Variants in ABCC1 observed in about 807,000 individuals in gnomAD.
The protein encoded by ABCC1 is ATP binding cassette subfamily C member 1 (ABCC1 blood group), also known as multidrug resistance-associated protein 1.
ABCC1 carries 83 observed loss-of-function variants against 172.9 expected under a neutral mutation model. The ratio of observed to expected loss-of-function variants is 0.48; its 90% CI spans 0.40 to 0.58. The LOEUF (loss-of-function observed/expected upper bound fraction) is 0.58, where lower values mean the gene tolerates loss of function less well. Ranked by LOEUF, ABCC1 falls within the 20% of genes least tolerant of loss-of-function variation. The pLI, the probability that ABCC1 is intolerant of heterozygous loss-of-function variation, is 0.00. For synonymous variants in ABCC1, 937 were observed against 825.2 expected (o/e 1.14, Z -2.32); for missense variants, 1,817 against 2,002.7 (o/e 0.91, Z 1.77).
chr16:16,034,199 TG>T (rs2151836176), intron 6 of ABCC1, among the ~76,000 whole-genome samples: 1 of 151,882 alleles, frequency 6.6e-6, no homozygotes, highest in African/African-American at 2.4e-5. Flanking sequence ...AGCAGATTTT[TG>T]TACTTTCTGT....
At chr16:16,052,482 C>T (rs982473888) in intron 10 of ABCC1, among the ~76,000 whole-genome samples, 2 of 151,962 alleles carry the variant, frequency 1.3e-5, no homozygotes, top group African/African-American at 4.8e-5. Context: ...ACTCATGTGG[C>T]CCCAAGGGCT....
intron 1 of ABCC1, among the ~76,000 whole-genome samples, chr16:15,997,805 C>CTTTTTTTTT (rs34346901): frequency 8.6e-6 from 1 of 116,822 alleles, no homozygotes; most frequent in Non-Finnish European, 1.8e-5. Context: ...GCCTCGATAC[C>CTTTTTTTTT]TTTTTTTTTT....
upstream of ABCC1, among the ~76,000 whole-genome samples, chr16:15,949,375 C>A (rs1367219524): frequency 6.6e-6 from 1 of 151,800 alleles, no homozygotes; most frequent in African/African-American, 2.4e-5. Flanking sequence ...TTCCGGAAGG[C>A]GAGCCAACGC....
In ABCC1 at chr16:16,079,351, G is replaced by C; in HGVS notation, c.1989-1G>C. On this transcript the variant is annotated splice_acceptor_variant, in intron 15 of 30. Coordinates refer to ENST00000399410, the MANE Select transcript of ABCC1 (RefSeq NM_004996.4). LOFTEE classifies it high-confidence loss of function. ...GAGCCAGGTGTGTTGTGTCGTTTCA[G>C]CATCACCTTCTCCATCCCCGAAGGT... The C allele has an allele frequency of 6.2e-7, 1 of 1,613,936 alleles. No individual in the cohort carries two copies. The highest frequency in any genetic ancestry group is 1.1e-5 in the South Asian group (1 of 91,070).
chr16:16,111,538 C>G lies in ABCC1; in HGVS notation c.3035C>G (p.Thr1012Arg), dbSNP rs765246385. 6.2e-7 allele frequency: 1 copy of G among 1,613,928 alleles called. No individual in the cohort carries two copies. Among genetic ancestry groups the G allele is most frequent in the Non-Finnish European group, 8.5e-7 (1 of 1,180,042 alleles). ...ATCGTCAACGGGACTCAGGAGCACACGAAAGTCCGGCTGAGCGTCTATGGA... is the reference window on the plus strand; with the variant it reads ...ATCGTCAACGGGACTCAGGAGCACAGGAAAGTCCGGCTGAGCGTCTATGGA... ...DPIVNGTQEH[T>R]KVRLSVYGAL... is the part of the protein sequence containing the mutation. Residue 1012 changes from threonine to arginine, a missense_variant, in exon 22 of 31, where the codon ACG becomes AGG. Thr to Arg is a moderately conservative substitution (Grantham distance 71). Transcript: ENST00000399410.
chr16:15,977,611 C>G (rs1387639280), intron 1 of ABCC1, among the ~76,000 whole-genome samples: 2 of 152,050 alleles, frequency 1.3e-5, no homozygotes, highest in African/African-American at 2.4e-5. Context: ...TCCATGTTGG[C>G]AAATCTTAGC....
At chr16:16,003,944 T>G (rs1455104231) in intron 1 of ABCC1, among the ~76,000 whole-genome samples, 21 of 134,784 alleles carry the variant, frequency 1.6e-4, no homozygotes, top group Admixed American at 2.9e-4. Context: ...ATGAATTGGT[T>G]GGGGGGGGTG....
intron 5 of ABCC1, among the ~76,000 whole-genome samples, chr16:16,020,034 G>A (rs934739989): frequency 5.7e-4 from 87 of 152,314 alleles, no homozygotes; most frequent in African/African-American, 1.8e-3. Flanking sequence ...CAATTCTCCT[G>A]CCTCAGCCTC....
intron 1 of ABCC1, among the ~76,000 whole-genome samples, chr16:15,953,911 C>T (rs547150731): frequency 1.3e-5 from 2 of 152,090 alleles, no homozygotes; most frequent in East Asian, 3.9e-4. Flanking sequence ...CAGCAGTGTA[C>T]GACGAGCCAA....
Position 15,958,174 on chromosome 16 carries a change from C to T in ABCC1, c.48+8375C>T, listed in dbSNP as rs778071618. On this transcript the variant is annotated intron_variant, in intron 1 of 30. Coordinates refer to ENST00000399410, the MANE Select transcript of ABCC1 (RefSeq NM_004996.4). ...AGGCTGGAGTGCAGTAGTGGAATCT[C>T]GGCTCACTGCAACCTCTGCCTCCCG... 3.3e-5 allele frequency among the ~76,000 whole-genome samples: 5 copies of T among 152,080 alleles called. No individual in the cohort carries two copies. In the East Asian group the frequency reaches 7.8e-4, roughly 24 times the overall value.
chr16:16,098,508 A>G (rs545271759), intron 19 of ABCC1, among the ~76,000 whole-genome samples: 2 of 152,318 alleles, frequency 1.3e-5, no homozygotes, highest in African/African-American at 2.4e-5. Context: ...AATCCCAGCT[A>G]TTTGGGAGGC....
chr16:16,136,315 T>C (rs2045915954), intron 28 of ABCC1, among the ~76,000 whole-genome samples, 163 bp from the exon 29 acceptor site: 1 of 152,122 alleles, frequency 6.6e-6, no homozygotes, highest in Admixed American at 6.6e-5. Flanking sequence ...TGAACCACCG[T>C]ACCTGGCCTT....
rs375205571 is a variant in ABCC1, at chr16:16,122,136, G to C, written c.3552G>C (p.Glu1184Asp). ...ACCAGAGTGACCTGAAGGTGGACGA[G>C]AACCAGAAGGCCTATTACCCCAGCA... ...FIHQSDLKVDENQKAYYPSIV... is the reference protein window; with the variant it reads ...FIHQSDLKVDDNQKAYYPSIV... The change falls in exon 24 of 31, where the codon GAG (glutamate) becomes GAC (aspartate). Residue 1184 changes from glutamate to aspartate, a missense_variant. Around this residue, in one of 3 missense-constraint regions of ABCC1, gnomAD observed 1,412 missense variants for 1,600.3 expected, o/e 0.88. Coordinates refer to ENST00000399410, the MANE Select transcript of ABCC1 (RefSeq NM_004996.4). 14 of 1,614,102 alleles carry C rather than the reference G, an allele frequency of 8.7e-6. No homozygotes were observed. In the African/African-American group the frequency reaches 1.2e-4, roughly 14 times the overall value.
intron 21 of ABCC1, among the ~76,000 whole-genome samples, chr16:16,110,685 A>G (rs1325425065): frequency 6.6e-6 from 1 of 152,124 alleles, no homozygotes; most frequent in Non-Finnish European, 1.5e-5. Context: ...CACTGCACCC[A>G]GCCTTGGTTT....
intron 12 of ABCC1, among the ~76,000 whole-genome samples, chr16:16,064,373 C>G (rs1431493475): frequency 6.6e-6 from 1 of 152,230 alleles, no homozygotes; most frequent in East Asian, 1.9e-4. Context: ...TGTGCTTCCA[C>G]TAGACTGTGC....
At chr16:15,958,196 C>A (rs894184634) in intron 1 of ABCC1, among the ~76,000 whole-genome samples, 12 of 152,346 alleles carry the variant, frequency 7.9e-5, no homozygotes, top group African/African-American at 2.9e-4. Context: ...ACCTCTGCCT[C>A]CCGGGTTCCA....
At chr16:16,115,159 C>A (rs993091059) in intron 23 of ABCC1, 83 bp downstream of exon 23, 1 of 1,420,514 alleles carries the variant, frequency 7.0e-7, no homozygotes, top group Non-Finnish European at 9.6e-7. Context: ...TTTTATCTTA[C>A]CATGTCCCCA....
chr16:16,099,034 C>T (rs1244897702), intron 19 of ABCC1: 2 of 766,650 alleles, frequency 2.6e-6, no homozygotes, highest in African/African-American at 1.8e-5. Flanking sequence ...TTCATTGGTT[C>T]ATTTAGCACA....
intron 1 of ABCC1, among the ~76,000 whole-genome samples, chr16:16,004,650 A>C (rs1192521480): frequency 7.2e-6 from 1 of 139,614 alleles, no homozygotes; most frequent in Non-Finnish European, 1.5e-5. Context: ...TGGCCTTGTA[A>C]GGTTTACTTT....
Sources: allele counts gnomAD v4.1 joint callset (sites outside exome capture counted in the v4.1 genomes callset), GRCh38; gene constraint gnomAD v4.1.1; regional missense constraint gnomAD v4.1.1; transcripts MANE v1.5; gene names NCBI Gene and HGNC (gene_info 2026-07-23, HGNC 2026-07-21).